CLEC2D: variants seen among roughly 807,000 people sequenced by gnomAD.
The protein encoded by CLEC2D is C-type lectin related f.
A neutral mutation model predicts 20.0 loss-of-function variants in CLEC2D; 16 were observed. The observed-to-expected ratio is 0.80, with a 90% CI of 0.54 to 1.22. CLEC2D has a LOEUF of 1.22. CLEC2D is among the 50% of genes most tolerant of loss of function. The pLI, the probability that CLEC2D is intolerant of heterozygous loss-of-function variation, is 0.00. For missense variants in CLEC2D, 207 were observed against 221.5 expected (o/e 0.93, Z 0.42); for synonymous variants, 77 against 71.1 (o/e 1.08, Z -0.42).
At position 9,669,798 on chromosome 12, in the gene CLEC2D, A is replaced by T; in HGVS notation, c.61+3A>T. 6 of 1,607,960 alleles carry T rather than the reference A, an allele frequency of 3.7e-6. No homozygotes were observed. The highest frequency in any genetic ancestry group is 4.3e-6 in the Non-Finnish European group (5 of 1,174,444). The stretch of plus-strand genomic sequence containing the variant: ...ATCTGAATTGCCTGCAAACCCAGGT[A>T]AGAAGCTGGGCTCTACAGAGTAAGT... On this transcript the variant is annotated splice_donor_region_variant and intron_variant, in intron 1 of 4. Transcript: ENST00000290855.
At chr12:9,671,333 G>T (rs766209939) in intron 1 of CLEC2D, among the ~76,000 whole-genome samples, 1 of 152,230 alleles carries the variant, frequency 6.6e-6, no homozygotes, top group Admixed American at 6.5e-5. Context: ...ACGCCATTCT[G>T]CCTCAGCCTC....
chr12:9,678,166 T>C (rs560983888), intron 1 of CLEC2D, among the ~76,000 whole-genome samples: 2 of 152,226 alleles, frequency 1.3e-5, no homozygotes, highest in East Asian at 1.9e-4. Flanking sequence ...AGGTTTGTTA[T>C]GCGGAAACAT....
At chr12:9,669,828 G>GGAC in intron 1 of CLEC2D, 33 bp downstream of exon 1, 1 of 1,536,042 alleles carries the variant, frequency 6.5e-7, no homozygotes, top group Non-Finnish European at 9.0e-7. Flanking sequence ...GTAAGTGTGA[G>GGAC]GACTGGAATG....
rs1388632528 is a variant in CLEC2D, at chr12:9,698,215, AT to A, written c.*3342del. The stretch of plus-strand genomic sequence containing the variant: ...TAACATTTCATCATCTCACATACTT[AT>A]CATTTTCTGTGGTGAGAACATTTGA... On this transcript the variant is annotated 3_prime_UTR_variant, in exon 5 of 5. Coordinates refer to ENST00000290855, the MANE Select transcript of CLEC2D (RefSeq NM_013269.6). The A allele has an allele frequency of 1.3e-5, 2 of 152,320 alleles. No homozygotes were observed. The highest frequency in any genetic ancestry group is 1.3e-4 in the Admixed American group (2 of 15,290). The allele number at this position is 152,320 out of a possible 1,614,324, so 9.4% of individuals were successfully genotyped here. A position where few individuals can be genotyped will look rare whatever the true frequency, so the allele number is the denominator to read the frequency against.
chr12:9,675,254 C>T lies in CLEC2D; in HGVS notation c.61+5459C>T, dbSNP rs764738471. On this transcript the variant is annotated intron_variant, in intron 1 of 4. Transcript: ENST00000290855. Reference sequence around the variant, plus strand: ...TCTTGCCCAGGCCGGAGTGCAGTGGCGCAATCTCGGCTCACTGCAAGCTCC... The same window carrying T: ...TCTTGCCCAGGCCGGAGTGCAGTGGTGCAATCTCGGCTCACTGCAAGCTCC... Among the ~76,000 whole-genome samples the T allele has an allele frequency of 2.9e-4, 43 of 148,418 alleles. 1 individual carries two copies. Among genetic ancestry groups the T allele is most frequent in the African/African-American group, 7.5e-4 (30 of 40,178 alleles).
chr12:9,683,726 G>A (rs1374893839), intron 2 of CLEC2D, among the ~76,000 whole-genome samples: 2 of 152,032 alleles, frequency 1.3e-5, no homozygotes, highest in Non-Finnish European at 2.9e-5. Context: ...CTGTCCATTG[G>A]TCAATATATC....
intron 3 of CLEC2D, among the ~76,000 whole-genome samples, chr12:9,690,486 A>G (rs1199347382): frequency 6.6e-6 from 1 of 152,062 alleles, no homozygotes; most frequent in Non-Finnish European, 1.5e-5. Context: ...CATGTGTCAT[A>G]TAGTTTATAA....
At chr12:9,670,289 A>G (rs778537976) in intron 1 of CLEC2D, among the ~76,000 whole-genome samples, 1 of 152,258 alleles carries the variant, frequency 6.6e-6, no homozygotes, top group Admixed American at 6.5e-5. Flanking sequence ...AAATATATAT[A>G]TATATAGCTT....
chr12:9,679,672 CAACTT>C (rs1203907281), intron 1 of CLEC2D, among the ~76,000 whole-genome samples: 2 of 152,108 alleles, frequency 1.3e-5, no homozygotes, highest in Admixed American at 6.6e-5. Context: ...GTATTTCTGT[CAACTT>C]AAACTGATAA....
At chr12:9,672,995 A>G (rs1467771096) in intron 1 of CLEC2D, among the ~76,000 whole-genome samples, 1 of 151,968 alleles carries the variant, frequency 6.6e-6, no homozygotes, top group African/African-American at 2.4e-5. Flanking sequence ...GCTTCTTTGC[A>G]TTGGGTTAGA....
In CLEC2D at chr12:9,698,178, A is replaced by T. The variant is rs1002194241; in HGVS notation, c.*3304A>T. On this transcript the variant is annotated 3_prime_UTR_variant, in exon 5 of 5. Coordinates refer to ENST00000290855, the MANE Select transcript of CLEC2D (RefSeq NM_013269.6). ...TGATATATGTGTACACTATGGAATG[A>T]TTAAATCAAACTAACATTTCATCAT... 5.3e-5 allele frequency: 8 copies of T among 152,220 alleles called. No individual in the cohort carries two copies. The highest frequency in any genetic ancestry group is 8.8e-5 in the Non-Finnish European group (6 of 68,036). 9.4% of individuals were successfully genotyped at this position (152,220 alleles called of 1,614,324 possible). A position where few individuals can be genotyped will look rare whatever the true frequency, so the allele number is the denominator to read the frequency against.
chr12:9,672,054 T>G (rs1447203751), intron 1 of CLEC2D, among the ~76,000 whole-genome samples: 1 of 152,148 alleles, frequency 6.6e-6, no homozygotes, highest in Non-Finnish European at 1.5e-5. Flanking sequence ...ACTGGGTAAT[T>G]TATAATGAAC....
At position 9,696,150 on chromosome 12, in the gene CLEC2D, C is replaced by T. The variant is rs1294984063; in HGVS notation, c.*1276C>T. 1 of 899,916 alleles carries T rather than the reference C, an allele frequency of 1.1e-6. No individual in the cohort carries two copies. Among genetic ancestry groups the T allele is most frequent in the Admixed American group, 1.7e-5 (1 of 58,666 alleles). 55.7% of individuals were successfully genotyped at this position (899,916 alleles called of 1,614,324 possible). A position where few individuals can be genotyped will look rare whatever the true frequency, so the allele number is the denominator to read the frequency against. On this transcript the variant is annotated 3_prime_UTR_variant, in exon 5 of 5. Coordinates refer to ENST00000290855, the MANE Select transcript of CLEC2D (RefSeq NM_013269.6). ...CTCTTCCCAAAGTGGAAACCAAGTT[C>T]ATCAATTATGTGAAGAATTTCTTCT...
intron 4 of CLEC2D, chr12:9,693,272 G>A (rs1005315554): frequency 7.1e-6 from 4 of 563,050 alleles, no homozygotes; most frequent in African/African-American, 3.7e-5. Context: ...GGGTTGATGT[G>A]AGGAACAGAG....
At chr12:9,672,261 T>C (rs140702283) in intron 1 of CLEC2D, among the ~76,000 whole-genome samples, 2 of 152,312 alleles carry the variant, frequency 1.3e-5, no homozygotes, top group African/African-American at 4.8e-5. Context: ...ATAAGGACAT[T>C]ATGACCTGAT....
chr12:9,693,228 A>T, intron 4 of CLEC2D: 1 of 734,736 alleles, frequency 1.4e-6, no homozygotes, highest in Non-Finnish European at 2.4e-6. Context: ...CCTCCACAAC[A>T]AAATTAAATT....
At chr12:9,691,003 C>A (rs1465151055) in intron 3 of CLEC2D, among the ~76,000 whole-genome samples, 1 of 152,056 alleles carries the variant, frequency 6.6e-6, no homozygotes, top group Non-Finnish European at 1.5e-5. Flanking sequence ...AAACAAGACT[C>A]ATCTACATGC....
rs756342430 is a variant in CLEC2D at position 9,695,395 on chromosome 12, G to A, written c.*521G>A. On this transcript the variant is annotated 3_prime_UTR_variant, in exon 5 of 5. Coordinates refer to ENST00000290855, the MANE Select transcript of CLEC2D (RefSeq NM_013269.6). ...TGTGTCGCCACCCGATGGAAGATTCGATGGACATGGACATGAGCCCCCTGA... is the reference window on the plus strand; with the variant it reads ...TGTGTCGCCACCCGATGGAAGATTCAATGGACATGGACATGAGCCCCCTGA... 72 of 1,475,664 alleles carry A rather than the reference G, an allele frequency of 4.9e-5. No homozygotes were observed. The African/African-American group carries it at 7.7e-4, about 16-fold the overall frequency. The allele number at this position is 1,475,664 out of a possible 1,614,324, so 91.4% of individuals were successfully genotyped here. A position where few individuals can be genotyped will look rare whatever the true frequency, so the allele number is the denominator to read the frequency against.
At chr12:9,671,301 G>A (rs1000162318) in intron 1 of CLEC2D, among the ~76,000 whole-genome samples, 3 of 152,116 alleles carry the variant, frequency 2.0e-5, no homozygotes, top group Non-Finnish European at 2.9e-5. Flanking sequence ...TCGGCTCACT[G>A]CAAGCCCCGC....
Sources: allele counts gnomAD v4.1 joint callset (sites outside exome capture counted in the v4.1 genomes callset), GRCh38; gene constraint gnomAD v4.1.1; transcripts MANE v1.5; gene names NCBI Gene and HGNC (gene_info 2026-07-23, HGNC 2026-07-21).